Variants in DST observed in about 807,000 individuals in gnomAD.
The protein encoded by DST is dystonin, also known as bullous pemphigoid antigen.
A neutral mutation model predicts 875.2 loss-of-function variants in DST; 253 were observed. The observed-to-expected ratio is 0.29, with a 90% CI of 0.26 to 0.32. The LOEUF is 0.32. DST is among the 10% of genes least tolerant of loss of function. DST has a pLI of 1.00. For synonymous variants in DST, 3,124 were observed against 3,197.1 expected (o/e 0.98, Z 0.77); for missense variants, 8,287 against 9,111.6 (o/e 0.91, Z 3.68).
chr6:56,642,609 A>C lies in DST; in HGVS notation c.1779-106T>G, dbSNP rs748707571. 20 of 1,613,976 alleles carry C rather than the reference A, an allele frequency of 1.2e-5. No homozygotes were observed. Among genetic ancestry groups the C allele is most frequent in the Non-Finnish European group, 1.7e-5 (20 of 1,179,972 alleles). On this transcript the variant is annotated intron_variant, in intron 15 of 103. Coordinates refer to ENST00000680361, the MANE Select transcript of DST (RefSeq NM_001374736.1). The stretch of plus-strand genomic sequence containing the variant: ...AAAAAGTAAAACACAATCCCACACC[A>C]ATGATTCAATACCTGTGTCCATCAA...
chr6:56,880,636 A>C (rs1016149147), intron 3 of DST, among the ~76,000 whole-genome samples: 2 of 151,454 alleles, frequency 1.3e-5, no homozygotes, highest in Admixed American at 1.3e-4. Flanking sequence ...GCAGTGAGCC[A>C]AGATCACACC....
chr6:56,472,056 A>G lies in DST; in HGVS notation c.22158+3T>C. On this transcript the variant is annotated splice_donor_region_variant and intron_variant, in intron 94 of 103. Transcript: ENST00000680361. ...GTGGTGTTGAGGGTATGAATTTCCA[A>G]ACCTCCTCTAGTCTGTCCAAGGCAT... 2 of 1,613,858 alleles carry G rather than the reference A, an allele frequency of 1.2e-6. No individual in the cohort carries two copies. The highest frequency in any genetic ancestry group is 1.6e-4 in the Middle Eastern group (1 of 6,062).
At chr6:56,623,037 A>G (rs1458173985) in intron 36 of DST, among the ~76,000 whole-genome samples, 1 of 152,224 alleles carries the variant, frequency 6.6e-6, no homozygotes, top group Non-Finnish European at 1.5e-5. Flanking sequence ...CCATTAACGT[A>G]ATGTTAAGTG....
In DST at chr6:56,605,217, A is replaced by C. The variant is rs952189092; in HGVS notation, c.9411T>G (p.Leu3137=). 10 of 1,611,598 alleles carry C rather than the reference A, an allele frequency of 6.2e-6. No individual in the cohort carries two copies. Among genetic ancestry groups the C allele is most frequent in the Admixed American group, 3.4e-5 (2 of 59,616 alleles). Residue 3137 remains leucine (L), a synonymous_variant, in exon 40 of 104, where the codon CTT becomes CTG. Coordinates refer to ENST00000680361, the MANE Select transcript of DST (RefSeq NM_001374736.1). ...VSKSPVQFEN[L]EEIFDTSVSK... ...AAACTGATGTGTCAAAAATTTCTTCAAGATTCTCAAACTGAACAGGACTTT... is the reference window on the plus strand; with the variant it reads ...AAACTGATGTGTCAAAAATTTCTTCCAGATTCTCAAACTGAACAGGACTTT...
At chr6:56,923,791 C>A (rs192856857) in intron 2 of DST, among the ~76,000 whole-genome samples, 2 of 152,290 alleles carry the variant, frequency 1.3e-5, no homozygotes, top group East Asian at 3.9e-4. Context: ...AGGCAGTCTA[C>A]TCAAATCCAC....
At position 56,477,502 on chromosome 6, in the gene DST, A is replaced by G; in HGVS notation, c.21532-14T>C. ...CTTCATGAATTCCTACAGCAGAAAC[A>G]AAGACTTCAATTAACTGTTGGCATT... On this transcript the variant is annotated splice_polypyrimidine_tract_variant and intron_variant, in intron 90 of 103. Transcript: ENST00000680361. 6.2e-7 allele frequency: 1 copy of G among 1,613,914 alleles called. No individual in the cohort carries two copies. Among genetic ancestry groups the G allele is most frequent in the Non-Finnish European group, 8.5e-7 (1 of 1,179,824 alleles).
rs779334670 is a variant in DST at position 56,604,756 on chromosome 6, G to A, written c.9872C>T (p.Ser3291Leu). The A allele has an allele frequency of 3.1e-5, 50 of 1,612,486 alleles. No individual in the cohort carries two copies. The highest frequency in any genetic ancestry group is 1.6e-4 in the Middle Eastern group (1 of 6,072). ...EDVGKNDFLQ[S>L]ERCANGLGND... ...TCCTAATCCATTTGCACACCGCTCC[G>A]ACTGCAGAAAATCATTTTTCCCAAC... is the stretch of plus-strand genomic sequence containing the variant. The change falls in exon 40 of 104, where the codon TCG (serine) becomes TTG (leucine). Residue 3291 changes from serine (S) to leucine (L), a missense_variant. Ser to Leu is a moderately radical substitution (Grantham distance 145, BLOSUM62 -2). Around this residue, in one of 10 missense-constraint regions of DST, gnomAD observed 3,138 missense variants for 3,116.6 expected, o/e 1.01. Transcript: ENST00000680361.
chr6:56,658,364 C>A (rs1311057599), intron 10 of DST, among the ~76,000 whole-genome samples: 1 of 152,168 alleles, frequency 6.6e-6, no homozygotes, highest in African/African-American at 2.4e-5. Context: ...ACCTGTGTCT[C>A]AGTTCTTTCT....
At chr6:56,779,991 T>A (rs1178182480) in intron 4 of DST, among the ~76,000 whole-genome samples, 3 of 150,460 alleles carry the variant, frequency 2.0e-5, no homozygotes, top group Non-Finnish European at 3.0e-5. Flanking sequence ...TTTTTTGTCC[T>A]TGAGATAGTT....
intron 2 of DST, among the ~76,000 whole-genome samples, chr6:56,924,781 T>C (rs544005852): frequency 2.1e-3 from 318 of 152,228 alleles, no homozygotes; most frequent in African/African-American, 7.3e-3. Context: ...TTCTTATGAT[T>C]AAGTTAAAAT....
chr6:56,486,159 C>G (rs1027165738), intron 87 of DST, among the ~76,000 whole-genome samples: 2 of 151,760 alleles, frequency 1.3e-5, no homozygotes, highest in Non-Finnish European at 2.9e-5. Context: ...GTCAGGAGAT[C>G]GAGACCATCC....
chr6:56,861,206 C>G (rs1230085146), intron 3 of DST, among the ~76,000 whole-genome samples: 1 of 152,154 alleles, frequency 6.6e-6, no homozygotes, highest in Non-Finnish European at 1.5e-5. Flanking sequence ...TCATTAAAAA[C>G]AAAAACTTTT....
intron 2 of DST, among the ~76,000 whole-genome samples, chr6:56,925,488 C>T (rs1806564496): frequency 6.6e-6 from 1 of 152,216 alleles, no homozygotes; most frequent in African/African-American, 2.4e-5. Context: ...CCCACATTGA[C>T]TTACAGGTAA....
At chr6:56,635,011 C>T in intron 24 of DST, 58 bp from the exon 25 acceptor site, 1 of 1,377,790 alleles carries the variant, frequency 7.3e-7, no homozygotes, top group Non-Finnish European at 1.0e-6. Context: ...TCCATGCCTT[C>T]AGCACTTTAC....
chr6:56,559,817 T>C (rs190632035), intron 58 of DST, among the ~76,000 whole-genome samples: 1 of 152,046 alleles, frequency 6.6e-6, no homozygotes, highest in East Asian at 1.9e-4. Context: ...GGTAGGAGGA[T>C]AACTTTGGAT....
At position 56,737,327 on chromosome 6, in the gene DST, A is replaced by C. The variant is rs558072152; in HGVS notation, c.626-2038T>G. Among the ~76,000 whole-genome samples, 97 of 152,352 alleles carry C rather than the reference A, an allele frequency of 6.4e-4. 2 individuals carry two copies. In the South Asian group the frequency reaches 0.02, roughly 32 times the overall value. ...ATTGCCAAGATTTTATTTTTTAAAA[A>C]ATTTCATGTTGAAAAGGACACAAGA... On this transcript the variant is annotated intron_variant, in intron 4 of 103. Coordinates refer to ENST00000680361, the MANE Select transcript of DST (RefSeq NM_001374736.1).
intron 94 of DST, 80 bp from the exon 95 acceptor site, chr6:56,471,348 T>C (rs2094881429): frequency 1.8e-6 from 2 of 1,091,384 alleles, no homozygotes; most frequent in Non-Finnish European, 2.6e-6. Context: ...ACTTTTGAAA[T>C]GATTCTCTAG....
At chr6:56,838,421 CTTCT>C (rs2099796213) in intron 4 of DST, among the ~76,000 whole-genome samples, 2 of 152,298 alleles carry the variant, frequency 1.3e-5, no homozygotes, top group South Asian at 4.1e-4. Flanking sequence ...AATACAAGCA[CTTCT>C]TTGTCAGACT....
At chr6:56,834,084 C>T (rs1562085988) in intron 4 of DST, among the ~76,000 whole-genome samples, 1 of 151,988 alleles carries the variant, frequency 6.6e-6, no homozygotes, top group South Asian at 2.1e-4. Context: ...AAATATTAGC[C>T]CAACATGGTG....
Sources: gnomAD v4.1 joint callset for allele counts (sites outside exome capture counted in the v4.1 genomes callset) on GRCh38, gnomAD v4.1.1 for gene constraint, gnomAD v4.1.1 regional missense constraint, MANE v1.5 for transcripts, NCBI Gene and HGNC (gene_info 2026-07-23, HGNC 2026-07-21) for gene names.